The following ASAH2 variants were observed in gnomAD, a reference collection of about 807,000 sequenced individuals.
ASAH2 encodes neutral ceramidase.
Under a neutral mutation model 82.9 loss-of-function variants are expected in ASAH2, and 58 were observed. The observed-to-expected ratio is 0.70, with a 90% CI of 0.57 to 0.87. ASAH2 has a LOEUF of 0.87. Among genes scored for constraint, ASAH2 ranks in the 40% least tolerant of loss-of-function variants. The pLI, the probability that ASAH2 is intolerant of heterozygous loss-of-function variation, is 0.00. For missense variants in ASAH2, 779 were observed against 834.0 expected, an observed-to-expected ratio of 0.93 and a Z score of 0.81; for synonymous variants, 276 against 289.7, an observed-to-expected ratio of 0.95 and a Z score of 0.48.
chr10:50,199,783 C>T (rs1845092372), intron 16 of ASAH2, among the ~76,000 whole-genome samples: 1 of 151,444 alleles, frequency 6.6e-6, no homozygotes, highest in Admixed American at 6.6e-5. Context: ...TCTCCCTCAT[C>T]CTGTATCCTA....
At position 50,235,932 on chromosome 10, in the gene ASAH2, A is replaced by T; in HGVS notation, c.643T>A (p.Phe215Ile). 9.9e-6 allele frequency: 16 copies of T among 1,613,388 alleles called. No individual in the cohort carries two copies. The South Asian group carries it at 1.8e-4, about 18-fold the overall frequency. ...ATGTGCTGAAAAGTTTGATTGCTAA[A>T]TCCTTCACTGGCAATTACAAACACG... ...YTVFVIASEG[F>I]SNQTFQHMVT... The change falls in exon 5 of 21, where the codon TTT (phenylalanine) becomes ATT (isoleucine). Residue 215 changes from phenylalanine to isoleucine, a missense_variant. Phe to Ile is a conservative substitution (Grantham distance 21). This residue lies in a region of ASAH2 where 759 missense variants were observed against 755.2 expected (regional missense o/e 1.00). Coordinates refer to ENST00000682911, the MANE Select transcript of ASAH2 (RefSeq NM_019893.4).
chr10:50,209,515 A>G (rs1343156280), intron 12 of ASAH2, among the ~76,000 whole-genome samples: 3 of 151,190 alleles, frequency 2.0e-5, no homozygotes, highest in African/African-American at 7.3e-5. Context: ...ATGTCTGGCT[A>G]ATTTTGTATT....
At chr10:50,220,408 A>C (rs1258274476) in intron 7 of ASAH2, among the ~76,000 whole-genome samples, 1 of 152,244 alleles carries the variant, frequency 6.6e-6, no homozygotes, top group African/African-American at 2.4e-5. Flanking sequence ...GATAAAGGAA[A>C]TGTGGTACAT....
At chr10:50,199,369 T>C (rs1234905429) in intron 16 of ASAH2, among the ~76,000 whole-genome samples, 1 of 151,970 alleles carries the variant, frequency 6.6e-6, no homozygotes, top group African/African-American at 2.4e-5. Flanking sequence ...TCTCTCGGCT[T>C]ATGCCATTTA....
At chr10:50,228,923 G>T (rs1409934956) in intron 7 of ASAH2, among the ~76,000 whole-genome samples, 1 of 152,066 alleles carries the variant, frequency 6.6e-6, no homozygotes, top group African/African-American at 2.4e-5. Flanking sequence ...AAAGAGGAAG[G>T]CAAAGAGAAG....
chr10:50,241,894 A>T (rs1028920253), intron 4 of ASAH2, among the ~76,000 whole-genome samples: 1 of 152,032 alleles, frequency 6.6e-6, no homozygotes, highest in Non-Finnish European at 1.5e-5. Flanking sequence ...CGGTGGGTGG[A>T]GGGCTAGGGG....
At chr10:50,197,203 C>G (rs1438779576) in intron 17 of ASAH2, among the ~76,000 whole-genome samples, 1 of 151,692 alleles carries the variant, frequency 6.6e-6, no homozygotes, top group Non-Finnish European at 1.5e-5. Context: ...AGGTTGGAAG[C>G]ATACTTTCAA....
intron 8 of ASAH2, among the ~76,000 whole-genome samples, chr10:50,218,292 T>C (rs990138875): frequency 0.69 from 105,713 of 152,168 alleles, 41,104 homozygotes; most frequent in Non-Finnish European, 0.88. Context: ...GCAATGAATA[T>C]AAGGACTATG....
Position 50,212,978 on chromosome 10 carries a change from T to C in ASAH2, c.1221A>G (p.Arg407=). ...AGCGAGGCCCATGGCTTACCTTTGCTCTCTGATACATGGCCCGTCCTATAA... is the reference window on the plus strand; with the variant it reads ...AGCGAGGCCCATGGCTTACCTTTGCCCTCTGATACATGGCCCGTCCTATAA... The part of the protein sequence containing the change: ...TQIIGRAMYQ[R]AKELYASASQ... Residue 407 remains arginine, a synonymous_variant, in exon 10 of 21, where the codon AGA becomes AGG. Coordinates refer to ENST00000682911, the MANE Select transcript of ASAH2 (RefSeq NM_019893.4). 6.2e-7 allele frequency: 1 copy of C among 1,613,586 alleles called. No homozygotes were observed. Among genetic ancestry groups the C allele is most frequent in the Non-Finnish European group, 8.5e-7 (1 of 1,179,558 alleles).
intron 7 of ASAH2, among the ~76,000 whole-genome samples, chr10:50,228,651 T>C (rs1441341285): frequency 1.3e-5 from 2 of 152,114 alleles, no homozygotes; most frequent in Non-Finnish European, 2.9e-5. Flanking sequence ...TCACTGCCCC[T>C]GTCATCTTAA....
chr10:50,207,815 G>A (rs918238297), intron 12 of ASAH2, among the ~76,000 whole-genome samples: 4,786 of 151,744 alleles, frequency 0.032, 132 homozygotes, highest in Middle Eastern at 0.14. Context: ...CATTCTATGA[G>A]GCCAATATTA....
intron 15 of ASAH2, 70 bp downstream of exon 15, chr10:50,203,570 T>A (rs1329803362): frequency 5.4e-6 from 7 of 1,295,570 alleles, no homozygotes; most frequent in Non-Finnish European, 6.7e-6. Flanking sequence ...TATAGGATCA[T>A]AGGGATAGGA....
rs1384265069 is a variant in ASAH2 at position 50,187,198 on chromosome 10, C to T, written c.*117G>A. 1 of 182,042 alleles carries T rather than the reference C, an allele frequency of 5.5e-6. No homozygotes were observed. Among genetic ancestry groups the T allele is most frequent in the Non-Finnish European group, 1.1e-5 (1 of 93,714 alleles). 11.3% of individuals were successfully genotyped at this position (182,042 alleles called of 1,614,324 possible). A position where few individuals can be genotyped will look rare whatever the true frequency, so the allele number is the denominator to read the frequency against. On this transcript the variant is annotated 3_prime_UTR_variant, in exon 21 of 21. Coordinates refer to ENST00000682911, the MANE Select transcript of ASAH2 (RefSeq NM_019893.4). ...CCATTAGCAGTAAACTATCTGTCCCCAAACAGGGACGATTATAGAAGTCAA... is the reference window on the plus strand; with the variant it reads ...CCATTAGCAGTAAACTATCTGTCCCTAAACAGGGACGATTATAGAAGTCAA...
chr10:50,244,204 T>C (rs1589360072), intron 3 of ASAH2, among the ~76,000 whole-genome samples: 1 of 152,168 alleles, frequency 6.6e-6, no homozygotes, highest in African/African-American at 2.4e-5. Flanking sequence ...AACAAGATGT[T>C]GTGGCAGCAG....
At chr10:50,235,034 C>G (rs2133225658) in intron 5 of ASAH2, among the ~76,000 whole-genome samples, 1 of 152,258 alleles carries the variant, frequency 6.6e-6, no homozygotes, top group African/African-American at 2.4e-5. Flanking sequence ...TAATACACAT[C>G]AACATATGCA....
intron 8 of ASAH2, among the ~76,000 whole-genome samples, chr10:50,216,514 T>C (rs911710124): frequency 1.3e-5 from 2 of 152,198 alleles, no homozygotes; most frequent in Non-Finnish European, 2.9e-5. Flanking sequence ...GACCAGTCAA[T>C]CTAGTCTATT....
intron 13 of ASAH2, 66 bp downstream of exon 13, chr10:50,205,916 C>T (rs996650510): frequency 1.6e-5 from 19 of 1,219,536 alleles, no homozygotes; most frequent in Middle Eastern, 1.9e-4. Context: ...CCATTCATTA[C>T]CTGACAGTTC....
intron 16 of ASAH2, among the ~76,000 whole-genome samples, chr10:50,200,840 G>C (rs1845129224): frequency 6.6e-6 from 1 of 152,150 alleles, no homozygotes; most frequent in South Asian, 2.1e-4. Flanking sequence ...GGGTAGAAGA[G>C]AGTGGTTCCC....
chr10:50,197,929 GAAATAAAT>G (rs1377856518), intron 17 of ASAH2, among the ~76,000 whole-genome samples: 1 of 151,146 alleles, frequency 6.6e-6, no homozygotes, highest in Non-Finnish European at 1.5e-5. Context: ...TTTTATAATA[GAAATAAAT>G]AAATAAATAC....
Sources: allele counts gnomAD v4.1 joint callset (sites outside exome capture counted in the v4.1 genomes callset), GRCh38; gene constraint gnomAD v4.1.1; regional missense constraint gnomAD v4.1.1; transcripts MANE v1.5; gene names NCBI Gene and HGNC (gene_info 2026-07-23, HGNC 2026-07-21).